PRKCE: variants seen among roughly 807,000 people sequenced by gnomAD.
PRKCE encodes protein kinase C epsilon type.
PRKCE carries 16 observed loss-of-function variants against 85.4 expected under a neutral mutation model. The observed-to-expected ratio is 0.19, with a 90% CI of 0.13 to 0.28. The LOEUF (loss-of-function observed/expected upper bound fraction) is 0.28. PRKCE is among the 10% of genes least tolerant of loss of function. PRKCE has a pLI of 1.00. For missense variants in PRKCE, 573 were observed against 975.2 expected (o/e 0.59, Z 5.49); for synonymous variants, 388 against 371.5 (o/e 1.04, Z -0.51).
In PRKCE at chr2:45,957,907, C is replaced by G. The variant is rs567037701; in HGVS notation, c.413-18522C>G. On this transcript the variant is annotated intron_variant, in intron 2 of 14. Transcript: ENST00000306156. ...ATCCAGCCTAGGCAACAGAGCGAGA[C>G]TGTGTCTCTATTTTTTTTTTTTTTT... Among the ~76,000 whole-genome samples, 37 of 142,240 alleles carry G rather than the reference C, an allele frequency of 2.6e-4. 1 individual carries two copies. Among genetic ancestry groups the G allele is most frequent in the Admixed American group, 2.0e-3 (27 of 13,534 alleles). 93.3% of individuals were successfully genotyped at this position (142,240 alleles called of 152,430 possible). A position where few individuals can be genotyped will look rare whatever the true frequency, so the allele number is the denominator to read the frequency against.
At chr2:46,029,685 G>T (rs1342387102) in intron 10 of PRKCE, among the ~76,000 whole-genome samples, 2 of 146,342 alleles carry the variant, frequency 1.4e-5, no homozygotes. Flanking sequence ...CGTCGTATGG[G>T]TTTTTTTTTT....
chr2:45,712,877 C>G (rs1470519649), intron 1 of PRKCE, among the ~76,000 whole-genome samples: 8 of 152,174 alleles, frequency 5.3e-5, no homozygotes, highest in Non-Finnish European at 1.0e-4. Flanking sequence ...TGTCATTTAT[C>G]TTCGTATTCG....
intron 11 of PRKCE, among the ~76,000 whole-genome samples, chr2:46,114,593 G>GT (rs1186514169): frequency 1.3e-5 from 2 of 151,392 alleles, no homozygotes; most frequent in African/African-American, 2.4e-5. Flanking sequence ...AATTTTTTGT[G>GT]TTTTTTTAGT....
chr2:45,939,925 G>A (rs968766720), intron 2 of PRKCE, among the ~76,000 whole-genome samples: 1 of 152,188 alleles, frequency 6.6e-6, no homozygotes, highest in African/African-American at 2.4e-5. Context: ...AGATGTGGGT[G>A]TAACCCAGCC....
At chr2:46,070,447 T>C (rs770057196) in intron 10 of PRKCE, among the ~76,000 whole-genome samples, 2 of 152,234 alleles carry the variant, frequency 1.3e-5, no homozygotes, top group Non-Finnish European at 2.9e-5. Context: ...ATCAAGACCA[T>C]CCTGGCCAAC....
intron 1 of PRKCE, among the ~76,000 whole-genome samples, chr2:45,762,822 A>G (rs1212499531): frequency 6.6e-6 from 1 of 152,238 alleles, no homozygotes; most frequent in Non-Finnish European, 1.5e-5. Flanking sequence ...CAAGCCTAGG[A>G]TAAAAAGCTT....
chr2:45,949,428 T>TG (rs1700469650), intron 2 of PRKCE, among the ~76,000 whole-genome samples: 2 of 149,578 alleles, frequency 1.3e-5, no homozygotes, highest in South Asian at 2.1e-4. Context: ...TGATTGTTGT[T>TG]TTTTTTTTTT....
In PRKCE at chr2:46,004,439, G is replaced by A; in HGVS notation, c.967-103G>A. 1.0e-6 allele frequency: 1 copy of A among 960,492 alleles called. No individual in the cohort carries two copies. The allele number at this position is 960,492 out of a possible 1,614,324, so 59.5% of individuals were successfully genotyped here. ...AGATCTACTGAATTCCTGCTGCTCT[G>A]GGAACTCTCATGGCTCTTATACGGC... is the stretch of plus-strand genomic sequence containing the variant. On this transcript the variant is annotated intron_variant, in intron 7 of 14. Transcript: ENST00000306156. This position sits in a 1 kb window ranked among gnomAD's most constrained non-coding sequence, Gnocchi z 4.1.
intron 2 of PRKCE, among the ~76,000 whole-genome samples, chr2:45,929,629 A>C (rs892051854): frequency 1.3e-5 from 2 of 152,138 alleles, no homozygotes; most frequent in African/African-American, 4.8e-5. Context: ...ATATTATCAA[A>C]GGTTCTTATT....
intron 10 of PRKCE, among the ~76,000 whole-genome samples, chr2:46,063,332 A>T (rs1667326941): frequency 6.6e-6 from 1 of 151,446 alleles, no homozygotes; most frequent in South Asian, 2.1e-4. Context: ...TATGTGTAAG[A>T]GCCTGAAGTT....
chr2:46,154,436 C>T (rs1417651009), intron 13 of PRKCE, among the ~76,000 whole-genome samples: 3 of 147,008 alleles, frequency 2.0e-5, no homozygotes, highest in Admixed American at 2.0e-4. Flanking sequence ...GATGTCCTCA[C>T]GGCCCTCCCC....
intron 1 of PRKCE, among the ~76,000 whole-genome samples, chr2:45,793,242 C>T (rs189968337): frequency 7.2e-5 from 11 of 152,282 alleles, no homozygotes; most frequent in East Asian, 1.9e-4. Flanking sequence ...TGAATTTGGG[C>T]GAATGGGGAA....
intron 1 of PRKCE, among the ~76,000 whole-genome samples, chr2:45,730,928 C>T (rs943764718): frequency 1.3e-5 from 2 of 152,038 alleles, no homozygotes; most frequent in Non-Finnish European, 2.9e-5. Context: ...ACATTTTTAC[C>T]TTTATGGAGC....
intron 2 of PRKCE, among the ~76,000 whole-genome samples, chr2:45,870,151 A>G (rs1210682899): frequency 6.6e-6 from 1 of 152,158 alleles, no homozygotes. Context: ...GGCTCCTCAC[A>G]TCTGAGTCCT....
intron 2 of PRKCE, among the ~76,000 whole-genome samples, chr2:45,893,979 G>C (rs1022132946): frequency 2.0e-5 from 3 of 152,082 alleles, no homozygotes; most frequent in African/African-American, 7.2e-5. Context: ...GTCTCAGTTT[G>C]CCCATTTGTA....
chr2:46,011,061 A>T (rs1225979043), intron 10 of PRKCE: 3 of 698,164 alleles, frequency 4.3e-6, no homozygotes, highest in African/African-American at 1.8e-5. Context: ...AAACAAAGAT[A>T]ATCCATAACT....
chr2:45,677,840 C>A, intron 1 of PRKCE: 13 of 985,436 alleles, frequency 1.3e-5, no homozygotes, highest in Non-Finnish European at 1.6e-5. Context: ...AGAGACACAA[C>A]CGCTTCAGAT....
intron 2 of PRKCE, among the ~76,000 whole-genome samples, chr2:45,881,404 G>A (rs1350244277): frequency 1.3e-5 from 2 of 152,224 alleles, no homozygotes; most frequent in East Asian, 3.9e-4. Context: ...ATTTTAAATG[G>A]AATTTCTAGG....
chr2:45,932,860 T>A (rs1699146304), intron 2 of PRKCE, among the ~76,000 whole-genome samples: 1 of 152,232 alleles, frequency 6.6e-6, no homozygotes, highest in Admixed American at 6.5e-5. Context: ...GCATACTTCA[T>A]ATAAGTGGAA....
Sources: allele counts gnomAD v4.1 joint callset (sites outside exome capture counted in the v4.1 genomes callset), GRCh38; gene constraint gnomAD v4.1.1; non-coding constraint Gnocchi (gnomAD v3.1); transcripts MANE v1.5; gene names NCBI Gene and HGNC (gene_info 2026-07-23, HGNC 2026-07-21).